The following ESRRG variants were observed in gnomAD, a reference collection of about 807,000 sequenced individuals.
ESRRG encodes the protein estrogen-related receptor gamma.
Under a neutral mutation model 44.0 loss-of-function variants are expected in ESRRG, and 13 were observed. The ratio of observed to expected loss-of-function variants is 0.30; its 90% CI spans 0.19 to 0.47. The LOEUF (loss-of-function observed/expected upper bound fraction) is 0.47. Ranked by LOEUF, ESRRG falls within the 20% of genes least tolerant of loss-of-function variation. ESRRG has a pLI of 1.00. For synonymous variants in ESRRG, 215 were observed against 214.6 expected (o/e 1.00, Z -0.02); for missense variants, 395 against 580.6 (o/e 0.68, Z 3.29).
At chr1:216,702,817 T>C (rs2081672187) in intron 1 of ESRRG, among the ~76,000 whole-genome samples, 1 of 147,186 alleles carries the variant, frequency 6.8e-6, no homozygotes, top group Non-Finnish European at 1.5e-5. Flanking sequence ...CAAAGTTGAC[T>C]CAAGCACATG....
At chr1:216,919,171 A>G (rs902612561) in intron 2 of ESRRG, among the ~76,000 whole-genome samples, 2 of 152,142 alleles carry the variant, frequency 1.3e-5, no homozygotes, top group Admixed American at 6.6e-5. Flanking sequence ...TTAGCTTGCC[A>G]TAACTTTGAA....
chr1:216,892,407 T>C (rs1477318459), intron 2 of ESRRG, among the ~76,000 whole-genome samples: 2 of 152,110 alleles, frequency 1.3e-5, no homozygotes. Flanking sequence ...GTAAGAGCAT[T>C]GACTTCTGAA....
intron 1 of ESRRG, among the ~76,000 whole-genome samples, chr1:217,107,043 A>T (rs962975481): frequency 6.6e-6 from 1 of 152,224 alleles, no homozygotes; most frequent in Admixed American, 6.5e-5. Flanking sequence ...ATCATTGTTC[A>T]TATATTCATC....
intron 2 of ESRRG, among the ~76,000 whole-genome samples, chr1:216,894,890 TC>T (rs1332407782): frequency 6.6e-6 from 1 of 152,152 alleles, no homozygotes; most frequent in African/African-American, 2.4e-5. Flanking sequence ...TCCTGATTCC[TC>T]CCCCATCCAC....
intron 2 of ESRRG, among the ~76,000 whole-genome samples, chr1:216,736,916 A>C (rs1365771336): frequency 6.6e-6 from 1 of 152,170 alleles, no homozygotes; most frequent in Non-Finnish European, 1.5e-5. Context: ...CAGTTTCATC[A>C]TCAGGAACAG....
At chr1:216,983,239 A>AT (rs112989445) in intron 1 of ESRRG, among the ~76,000 whole-genome samples, 5,680 of 148,192 alleles carry the variant, frequency 0.038, 352 homozygotes, top group African/African-American at 0.13. Flanking sequence ...TGATTTTTTT[A>AT]TTTTTTTTTT....
intron 1 of ESRRG, among the ~76,000 whole-genome samples, chr1:217,009,568 G>T (rs1028258463): frequency 3.3e-5 from 5 of 152,098 alleles, no homozygotes; most frequent in Non-Finnish European, 7.3e-5. Context: ...TAGCTTCATT[G>T]TCTATTGTTC....
intron 1 of ESRRG, among the ~76,000 whole-genome samples, chr1:216,946,250 T>A (rs2066036875): frequency 6.6e-6 from 1 of 152,166 alleles, no homozygotes; most frequent in Admixed American, 6.5e-5. Flanking sequence ...CATGATGCTA[T>A]CAGAACCCTC....
Position 216,677,400 on chromosome 1 carries a change from T to C in ESRRG, c.148A>G (p.Thr50Ala), listed in dbSNP as rs1030492080. Residue 50 changes from threonine to alanine, a missense_variant, in exon 2 of 7, where the codon ACG becomes GCG. Transcript: ENST00000408911. The stretch of plus-strand genomic sequence containing the variant: ...GGGCTGTGGTGGTTGACGCTGTCCG[T>C]CAGGGAGGCTGGGCTGGAAGGTTCC... The part of the protein sequence containing the change: ...KTEPSSPASL[T>A]DSVNHHSPGG... 1 of 1,614,082 alleles carries C rather than the reference T, an allele frequency of 6.2e-7. No individual in the cohort carries two copies. The highest frequency in any genetic ancestry group is 8.5e-7 in the Non-Finnish European group (1 of 1,180,006).
intron 3 of ESRRG, among the ~76,000 whole-genome samples, chr1:216,649,511 T>C (rs4846618): frequency 0.18 from 26,525 of 151,264 alleles, 2,825 homozygotes; most frequent in East Asian, 0.43. Flanking sequence ...TATATACATA[T>C]ACACACACAC....
chr1:216,875,643 T>A (rs950879151), intron 2 of ESRRG, among the ~76,000 whole-genome samples: 1 of 152,084 alleles, frequency 6.6e-6, no homozygotes, highest in South Asian at 2.1e-4. Flanking sequence ...ATTATATTTA[T>A]TTATATTCAT....
chr1:217,022,378 C>A (rs936809643), intron 1 of ESRRG, among the ~76,000 whole-genome samples: 1 of 152,202 alleles, frequency 6.6e-6, no homozygotes, highest in African/African-American at 2.4e-5. Flanking sequence ...CGATTTAGGG[C>A]CATTCAGAGA....
intron 1 of ESRRG, among the ~76,000 whole-genome samples, chr1:217,063,153 C>A (rs991242361): frequency 6.6e-6 from 1 of 152,088 alleles, no homozygotes; most frequent in Admixed American, 6.6e-5. Context: ...TTTCAGCAGA[C>A]AGGGAAAAGA....
At chr1:216,525,390 T>C (rs934272688) in intron 5 of ESRRG, among the ~76,000 whole-genome samples, 1 of 152,174 alleles carries the variant, frequency 6.6e-6, no homozygotes, top group Non-Finnish European at 1.5e-5. Context: ...GGATCTGAAA[T>C]AATTCCCTTA....
At chr1:216,990,383 G>A (rs991903751) in intron 1 of ESRRG, among the ~76,000 whole-genome samples, 2 of 151,956 alleles carry the variant, frequency 1.3e-5, no homozygotes, top group Non-Finnish European at 2.9e-5. Flanking sequence ...TGCAAACAAC[G>A]TTTTAGCCTC....
intron 1 of ESRRG, among the ~76,000 whole-genome samples, chr1:217,101,175 A>G (rs930086099): frequency 4.6e-5 from 7 of 152,184 alleles, no homozygotes; most frequent in African/African-American, 9.7e-5. Context: ...AGACAGAACA[A>G]AAAAGAATAA....
At chr1:217,096,929 A>G (rs933209629) in intron 1 of ESRRG, among the ~76,000 whole-genome samples, 1 of 152,196 alleles carries the variant, frequency 6.6e-6, no homozygotes, top group African/African-American at 2.4e-5. Context: ...AAAATGCTTA[A>G]GATGAATTGG....
chr1:216,558,548 G>C (rs780016706), intron 5 of ESRRG, among the ~76,000 whole-genome samples: 18 of 152,110 alleles, frequency 1.2e-4, no homozygotes, highest in Non-Finnish European at 1.8e-4. Context: ...GACAATCTAT[G>C]GCAGTACCTT....
At chr1:216,700,135 T>TTTA (rs1553516710) in intron 1 of ESRRG, among the ~76,000 whole-genome samples, 1 of 151,290 alleles carries the variant, frequency 6.6e-6, no homozygotes, top group Non-Finnish European at 1.5e-5. Context: ...TTTTTTTTTT[T>TTTA]AACCTCACTA....
Sources: gnomAD v4.1 joint callset for allele counts (sites outside exome capture counted in the v4.1 genomes callset) on GRCh38, gnomAD v4.1.1 for gene constraint, MANE v1.5 for transcripts, NCBI Gene and HGNC (gene_info 2026-07-23, HGNC 2026-07-21) for gene names.